Variants in CSMD3 observed in about 807,000 individuals in gnomAD.
The protein encoded by CSMD3 is CUB and sushi domain-containing protein 3.
A neutral mutation model predicts 435.2 loss-of-function variants in CSMD3; 177 were observed. The ratio of observed to expected loss-of-function variants is 0.41; its 90% CI spans 0.36 to 0.46. CSMD3 has a LOEUF of 0.46. Ranked by LOEUF, CSMD3 falls within the 20% of genes least tolerant of loss-of-function variation. The pLI, the probability that CSMD3 is intolerant of heterozygous loss-of-function variation, is 0.34. For missense variants in CSMD3, 4,265 were observed against 4,504.6 expected (o/e 0.95, Z 1.52); for synonymous variants, 1,656 against 1,520.5 (o/e 1.09, Z -2.07).
intron 13 of CSMD3, among the ~76,000 whole-genome samples, chr8:112,714,585 T>C (rs890880855): frequency 5.9e-5 from 9 of 152,216 alleles, no homozygotes; most frequent in African/African-American, 1.9e-4. Flanking sequence ...CTAATCAACA[T>C]CTACAGAACT....
chr8:113,301,678 G>A (rs1349124267), intron 2 of CSMD3, among the ~76,000 whole-genome samples: 1 of 151,754 alleles, frequency 6.6e-6, no homozygotes, highest in Non-Finnish European at 1.5e-5. Flanking sequence ...CAACTGAAAA[G>A]CCTTTAGTAT....
chr8:112,491,881 AT>A (rs1820734493), intron 31 of CSMD3, among the ~76,000 whole-genome samples: 1 of 152,136 alleles, frequency 6.6e-6, no homozygotes, highest in East Asian at 1.9e-4. Context: ...CACTAGGATC[AT>A]TCAATGGATT....
At chr8:112,424,220 GA>G (rs1393750474) in intron 32 of CSMD3, among the ~76,000 whole-genome samples, 1 of 151,776 alleles carries the variant, frequency 6.6e-6, no homozygotes, top group Non-Finnish European at 1.5e-5. Context: ...GCCAATAGAG[GA>G]AAAAAATAGT....
chr8:113,199,589 C>T (rs2092696257), intron 3 of CSMD3, among the ~76,000 whole-genome samples: 1 of 151,634 alleles, frequency 6.6e-6, no homozygotes, highest in Admixed American at 6.6e-5. Context: ...GTGCACACAT[C>T]TACTCTATAG....
At chr8:112,378,586 C>T (rs989486585) in intron 38 of CSMD3, among the ~76,000 whole-genome samples, 1 of 152,108 alleles carries the variant, frequency 6.6e-6, no homozygotes, top group African/African-American at 2.4e-5. Context: ...TGCATATTCT[C>T]ACGCATAGGT....
chr8:112,767,562 C>T (rs1301114245), intron 13 of CSMD3, among the ~76,000 whole-genome samples: 2 of 151,678 alleles, frequency 1.3e-5, no homozygotes, highest in Admixed American at 6.6e-5. Flanking sequence ...ATAATACCTA[C>T]CCCAGTAGGA....
chr8:112,651,769 C>A (rs912781781), intron 18 of CSMD3, among the ~76,000 whole-genome samples: 34 of 152,042 alleles, frequency 2.2e-4, no homozygotes, highest in African/African-American at 8.2e-4. Flanking sequence ...AACTCCTGAC[C>A]TTGTGATCTT....
At chr8:112,805,265 A>G (rs191175387) in intron 12 of CSMD3, among the ~76,000 whole-genome samples, 1 of 152,278 alleles carries the variant, frequency 6.6e-6, no homozygotes, top group Admixed American at 6.5e-5. Flanking sequence ...TCTGAAAGAA[A>G]AGGGGTATTC....
chr8:112,694,061 C>CTT (rs141966679), intron 13 of CSMD3, among the ~76,000 whole-genome samples: 13 of 151,198 alleles, frequency 8.6e-5, no homozygotes, highest in South Asian at 6.3e-4. Context: ...TCATAGTCTT[C>CTT]TTTTTTTCCA....
chr8:112,731,715 T>C (rs2077078634), intron 13 of CSMD3, among the ~76,000 whole-genome samples: 3 of 152,086 alleles, frequency 2.0e-5, no homozygotes, highest in Admixed American at 1.3e-4. Flanking sequence ...GAGATTTTTG[T>C]TTCAGAAAAA....
chr8:113,172,767 G>T (rs183700355), intron 4 of CSMD3, among the ~76,000 whole-genome samples: 44 of 152,282 alleles, frequency 2.9e-4, no homozygotes, highest in Middle Eastern at 3.4e-3. Flanking sequence ...TAGATGGGCA[G>T]TTGGACATTC....
At chr8:112,548,641 A>C (rs556250699) in intron 27 of CSMD3, among the ~76,000 whole-genome samples, 1 of 152,282 alleles carries the variant, frequency 6.6e-6, no homozygotes, top group South Asian at 2.1e-4. Flanking sequence ...TTATGTATAT[A>C]AAGCATTTAA....
intron 4 of CSMD3, among the ~76,000 whole-genome samples, chr8:113,121,311 C>A (rs529137005): frequency 2.0e-5 from 3 of 152,054 alleles, no homozygotes; most frequent in Admixed American, 2.0e-4. Context: ...GAAGCATCTT[C>A]TTCTCTTGTC....
At chr8:112,491,447 G>C (rs1485899550) in intron 31 of CSMD3, among the ~76,000 whole-genome samples, 1 of 152,036 alleles carries the variant, frequency 6.6e-6, no homozygotes, top group Admixed American at 6.5e-5. Context: ...TTGAGGCCAG[G>C]AGTTTGAGAC....
Position 112,408,967 on chromosome 8 carries a change from G to T in CSMD3, c.5461C>A (p.Pro1821Thr), listed in dbSNP as rs2130077065. The T allele has an allele frequency of 2.5e-6, 4 of 1,613,536 alleles. No homozygotes were observed. Among genetic ancestry groups the T allele is most frequent in the Non-Finnish European group, 3.4e-6 (4 of 1,179,654 alleles). Residue 1821 changes from proline to threonine, a missense_variant, in exon 33 of 71, where the codon CCA (proline) becomes ACA (threonine). Coordinates refer to ENST00000297405, the MANE Select transcript of CSMD3 (RefSeq NM_198123.2). Reference sequence around the variant, plus strand: ...GATAACAGAGAAGATTGCTGAGTTGGCCCATCATACACCTCAACAACATCG... The same window carrying T: ...GATAACAGAGAAGATTGCTGAGTTGTCCCATCATACACCTCAACAACATCG... Reference protein sequence around the residue: ...LHDVVEVYDGPTQQSSLLSSL... With the variant: ...LHDVVEVYDGTTQQSSLLSSL...
chr8:113,211,063 A>G (rs1200152904), intron 3 of CSMD3, among the ~76,000 whole-genome samples: 1 of 152,198 alleles, frequency 6.6e-6, no homozygotes, highest in East Asian at 1.9e-4. Context: ...ATGTTAAATT[A>G]TACGTATTTT....
chr8:112,638,193 TTA>T (rs61375919), intron 21 of CSMD3, among the ~76,000 whole-genome samples: 4 of 146,532 alleles, frequency 2.7e-5, no homozygotes, highest in Non-Finnish European at 4.5e-5. Flanking sequence ...TATTTATTAA[TTA>T]TATATATAAT....
At chr8:112,730,089 T>C (rs180990072) in intron 13 of CSMD3, among the ~76,000 whole-genome samples, 2 of 152,214 alleles carry the variant, frequency 1.3e-5, no homozygotes, top group Admixed American at 6.6e-5. Flanking sequence ...GGAATATTTG[T>C]AGATATAGTG....
intron 13 of CSMD3, among the ~76,000 whole-genome samples, chr8:112,730,319 G>A (rs2077048824): frequency 6.6e-6 from 1 of 152,058 alleles, no homozygotes; most frequent in African/African-American, 2.4e-5. Flanking sequence ...GTCACTGACT[G>A]AGAAGTCGCT....
Sources: gnomAD v4.1 joint callset for allele counts (sites outside exome capture counted in the v4.1 genomes callset) on GRCh38, gnomAD v4.1.1 for gene constraint, MANE v1.5 for transcripts, NCBI Gene and HGNC (gene_info 2026-07-23, HGNC 2026-07-21) for gene names.